OAF: variants seen among roughly 807,000 people sequenced by gnomAD.
OAF encodes the protein out at first homolog, also known as out at first protein homolog.
OAF carries 13 observed loss-of-function variants against 22.5 expected under a neutral mutation model. The ratio of observed to expected loss-of-function variants is 0.58; its 90% confidence interval spans 0.38 to 0.92. The LOEUF (loss-of-function observed/expected upper bound fraction) is 0.92. Among genes scored for constraint, OAF ranks in the 40% least tolerant of loss-of-function variants. The pLI is 0.00. For synonymous variants in OAF, 175 were observed against 170.5 expected, an observed-to-expected ratio of 1.03 and a Z score of -0.21; for missense variants, 347 against 381.8, an observed-to-expected ratio of 0.91 and a Z score of 0.76.
Position 120,211,105 on chromosome 11 carries a change from T to A in OAF, c.-175T>A, listed in dbSNP as rs1294898012. ...CTCGGGGCCGCCGGGGGCGCCCTGC[T>A]GAGCGCTACCCACGTGCGTCCGCGC... is the stretch of plus-strand genomic sequence containing the variant. On this transcript the variant is annotated 5_prime_UTR_variant, in exon 1 of 4. Transcript: ENST00000328965. 1.3e-5 allele frequency: 3 copies of A among 225,016 alleles called. No homozygotes were observed. The highest frequency in any genetic ancestry group is 2.5e-5 in the Non-Finnish European group (3 of 119,002). 13.9% of individuals were successfully genotyped at this position (225,016 alleles called of 1,614,324 possible).
chr11:120,215,919 T>G (rs1938206069), intron 1 of OAF, among the ~76,000 whole-genome samples: 1 of 151,860 alleles, frequency 6.6e-6, no homozygotes, highest in Non-Finnish European at 1.5e-5. Context: ...GGGGTCCCTT[T>G]CCCCTCCCAG....
intron 2 of OAF, among the ~76,000 whole-genome samples, chr11:120,226,006 A>G (rs898168082): frequency 6.6e-6 from 1 of 151,946 alleles, no homozygotes; most frequent in African/African-American, 2.4e-5. Flanking sequence ...ACCTGCCCTC[A>G]TCCCTGGTAC....
Position 120,229,300 on chromosome 11 carries a change from AG to A in OAF, c.*163del. On this transcript the variant is annotated 3_prime_UTR_variant, in exon 4 of 4. Transcript: ENST00000328965. Reference sequence around the variant, plus strand: ...CTGGCCCCATCTCACATGACTGTGAAGGGGGTGTGGCATGGCAGGGGGTCTC... The same window carrying A: ...CTGGCCCCATCTCACATGACTGTGAAGGGGTGTGGCATGGCAGGGGGTCTC... The A allele has an allele frequency of 1.5e-6, 1 of 681,654 alleles. No individual in the cohort carries two copies. Among genetic ancestry groups the A allele is most frequent in the Non-Finnish European group, 2.4e-6 (1 of 410,220 alleles). The allele number at this position is 681,654 out of a possible 1,614,324, so 42.2% of individuals were successfully genotyped here. A position where few individuals can be genotyped will look rare whatever the true frequency, so the allele number is the denominator to read the frequency against.
In OAF at chr11:120,229,151, C is replaced by T; in HGVS notation, c.*9C>T. 1 of 1,605,044 alleles carries T rather than the reference C, an allele frequency of 6.2e-7. No homozygotes were observed. Among genetic ancestry groups the T allele is most frequent in the Non-Finnish European group, 8.5e-7 (1 of 1,173,976 alleles). ...ATCCCTACCCAGGCTAGGGTGGGAG[C>T]AACCTGGCGGGTGGCTGCTCTGGGC... On this transcript the variant is annotated 3_prime_UTR_variant, in exon 4 of 4. Transcript: ENST00000328965.
At chr11:120,223,476 A>G (rs763837267) in intron 1 of OAF, among the ~76,000 whole-genome samples, 2 of 152,188 alleles carry the variant, frequency 1.3e-5, no homozygotes, top group Non-Finnish European at 2.9e-5. Flanking sequence ...TCTTTTTCCT[A>G]TACAAATAGG....
intron 1 of OAF, among the ~76,000 whole-genome samples, chr11:120,213,460 C>T (rs1363757458): frequency 6.6e-6 from 1 of 152,174 alleles, no homozygotes; most frequent in Non-Finnish European, 1.5e-5. Context: ...TCATACCCAC[C>T]TCTGGCATCT....
chr11:120,226,334 G>A (rs1027104800), intron 2 of OAF, among the ~76,000 whole-genome samples: 1 of 152,266 alleles, frequency 6.6e-6, no homozygotes, highest in Non-Finnish European at 1.5e-5. Context: ...GCCTGCTCCT[G>A]CTGTCTTCTT....
chr11:120,212,604 G>A (rs2444241), intron 1 of OAF, among the ~76,000 whole-genome samples: 135,312 of 151,350 alleles, frequency 0.89, 60,635 homozygotes, highest in Middle Eastern at 0.96. Context: ...GGGGACCCTT[G>A]CTGAAGCTGC....
chr11:120,226,175 G>T (rs937893847), intron 2 of OAF, among the ~76,000 whole-genome samples: 15 of 152,182 alleles, frequency 9.9e-5, no homozygotes, highest in Non-Finnish European at 2.1e-4. Flanking sequence ...TCTGAGGTCA[G>T]ATCAGACATC....
Position 120,229,040 on chromosome 11 carries a change from C to T in OAF, c.720C>T (p.Pro240=). ...GCCACAGCCGCGACCGGCCCACGCCCTACAAGTGTGGCATCCGCAGCTGCC... is the reference window on the plus strand; with the variant it reads ...GCCACAGCCGCGACCGGCCCACGCCTTACAAGTGTGGCATCCGCAGCTGCC... ...KYCHSRDRPT[P]YKCGIRSCQK... The change falls in exon 4 of 4, where the codon CCC becomes CCT. Residue 240 remains proline, a synonymous_variant. Transcript: ENST00000328965. The T allele has an allele frequency of 1.9e-6, 3 of 1,613,664 alleles. No individual in the cohort carries two copies. Among genetic ancestry groups the T allele is most frequent in the South Asian group, 2.2e-5 (2 of 91,084 alleles).
Position 120,226,899 on chromosome 11 carries a change from G to A in OAF, c.450G>A (p.Gln150=). ...TGGATGTCGCTGTCAACTTCAGCCAGGGGGCCCTGCTGAGCCCCCATCTCC... is the reference window on the plus strand; with the variant it reads ...TGGATGTCGCTGTCAACTTCAGCCAAGGGGCCCTGCTGAGCCCCCATCTCC... ...LHMDVAVNFS[Q]GALLSPHLHN... is the part of the protein sequence containing the mutation. The change falls in exon 3 of 4, where the codon CAG becomes CAA. Residue 150 remains glutamine (Q), a synonymous_variant. Transcript: ENST00000328965. The A allele has an allele frequency of 6.2e-7, 1 of 1,612,012 alleles. No homozygotes were observed. The highest frequency in any genetic ancestry group is 1.7e-5 in the Admixed American group (1 of 59,904).
At position 120,225,806 on chromosome 11, in the gene OAF, C is replaced by T; in HGVS notation, c.366+11C>T. On this transcript the variant is annotated intron_variant, in intron 2 of 3. Transcript: ENST00000328965. The stretch of plus-strand genomic sequence containing the variant: ...GCCAAGCTCCGGCAGGTAAGTGCCC[C>T]ACCAGGCCTGCCTGGCCCAGGTCCT... 3 of 1,593,946 alleles carry T rather than the reference C, an allele frequency of 1.9e-6. No homozygotes were observed. Among genetic ancestry groups the T allele is most frequent in the Non-Finnish European group, 2.6e-6 (3 of 1,171,766 alleles).
chr11:120,214,366 G>A (rs956325744), intron 1 of OAF, among the ~76,000 whole-genome samples: 2 of 152,198 alleles, frequency 1.3e-5, no homozygotes, highest in South Asian at 4.1e-4. Flanking sequence ...TGTTAGCTTT[G>A]CAATTGTGGC....
chr11:120,211,322 C>G lies in OAF; in HGVS notation c.43C>G (p.Leu15Val). ...ACCCCTGGCGCGCCCTGCGCTGCTGCTGCTGCTGCCGCTGCTCGCGCCGCT... is the reference window on the plus strand; with the variant it reads ...ACCCCTGGCGCGCCCTGCGCTGCTGGTGCTGCTGCCGCTGCTCGCGCCGCT... The part of the protein sequence containing the change: ...GVPLARPALL[L>V]LLPLLAPLLG... The change falls in exon 1 of 4, where the codon CTG (leucine) becomes GTG (valine). Residue 15 changes from leucine to valine, a missense_variant. By Grantham distance (32) the Leu-to-Val change is conservative. Transcript: ENST00000328965. 1 of 1,391,982 alleles carries G rather than the reference C, an allele frequency of 7.2e-7. No individual in the cohort carries two copies. Among genetic ancestry groups the G allele is most frequent in the Non-Finnish European group, 9.3e-7 (1 of 1,074,210 alleles). 86.2% of individuals were successfully genotyped at this position (1,391,982 alleles called of 1,614,324 possible). A position where few individuals can be genotyped will look rare whatever the true frequency, so the allele number is the denominator to read the frequency against.
chr11:120,227,532 C>T (rs148577953), intron 3 of OAF, among the ~76,000 whole-genome samples: 145 of 152,280 alleles, frequency 9.5e-4, no homozygotes, highest in African/African-American at 3.5e-3. Flanking sequence ...CCTCCACTGA[C>T]ACCTCTCAGA....
chr11:120,214,436 A>G (rs975168297), intron 1 of OAF, among the ~76,000 whole-genome samples: 2 of 152,182 alleles, frequency 1.3e-5, no homozygotes, highest in African/African-American at 4.8e-5. Flanking sequence ...ACATTGAACA[A>G]CGGACCCAAG....
intron 3 of OAF, 139 bp downstream of exon 3, chr11:120,227,135 G>C (rs1938370801): frequency 1.7e-6 from 1 of 592,220 alleles, no homozygotes; most frequent in Non-Finnish European, 2.9e-6. Flanking sequence ...CCTTTCCTTT[G>C]TTCAGGAGAC....
rs767017386 is a variant in OAF, at chr11:120,228,956, G to T, written c.636G>T (p.Lys212Asn). Residue 212 changes from lysine to asparagine, a missense_variant, in exon 4 of 4, where the codon AAG (lysine) becomes AAT (asparagine). Lys to Asn is a moderately conservative substitution (Grantham distance 94). Coordinates refer to ENST00000328965, the MANE Select transcript of OAF (RefSeq NM_178507.4). ...GCAGGCAGGTGGGGGACCACGGGAA[G>T]CCCTGCGTCTGCCGCTATGGCCTGA... ...PRCRQVGDHG[K>N]PCVCRYGLSL... 6.2e-7 allele frequency: 1 copy of T among 1,612,484 alleles called. No homozygotes were observed. Among genetic ancestry groups the T allele is most frequent in the Non-Finnish European group, 8.5e-7 (1 of 1,179,940 alleles).
rs2135097310 is a variant in OAF at position 120,225,651 on chromosome 11, C to T, written c.232-10C>T. ...CCTCCAGCCGTTCCCATCCTCCTGC[C>T]CTTCTTCAGGATGTGAAGGTCTTCC... is the stretch of plus-strand genomic sequence containing the variant. On this transcript the variant is annotated splice_polypyrimidine_tract_variant and intron_variant, in intron 1 of 3. Coordinates refer to ENST00000328965, the MANE Select transcript of OAF (RefSeq NM_178507.4). 3 of 1,585,784 alleles carry T rather than the reference C, an allele frequency of 1.9e-6. No homozygotes were observed. The highest frequency in any genetic ancestry group is 2.6e-6 in the Non-Finnish European group (3 of 1,166,934).
Sources: allele counts gnomAD v4.1 joint callset (sites outside exome capture counted in the v4.1 genomes callset), GRCh38; gene constraint gnomAD v4.1.1; transcripts MANE v1.5; gene names NCBI Gene and HGNC (gene_info 2026-07-23, HGNC 2026-07-21).